The following TENM3 variants were observed in gnomAD, a reference collection of about 807,000 sequenced individuals.
TENM3 encodes teneurin transmembrane protein 3.
Under a neutral mutation model 255.1 loss-of-function variants are expected in TENM3, and 63 were observed. The ratio of observed to expected loss-of-function variants is 0.25; its 90% CI spans 0.20 to 0.30. TENM3 has a LOEUF of 0.30. Ranked by LOEUF, TENM3 falls within the 10% of genes least tolerant of loss-of-function variation. The probability of loss-of-function intolerance (pLI) is 1.00; values close to 1 mark genes in which losing one functional copy is unlikely to be tolerated. For synonymous variants in TENM3, 1,306 were observed against 1,322.3 expected, an observed-to-expected ratio of 0.99 and a Z score of 0.27; for missense variants, 2,929 against 3,461.1, an observed-to-expected ratio of 0.85 and a Z score of 3.86.
the TENM3 span, among the ~76,000 whole-genome samples, chr4:181,518,531 G>A: frequency 6.6e-5 from 10 of 152,162 alleles, no homozygotes; most frequent in East Asian, 1.5e-3. Flanking sequence ...GGGTTCAAGC[G>A]ATTCTCCTGC....
chr4:182,295,007 G>C (rs1298227754), intron 1 of TENM3, among the ~76,000 whole-genome samples: 3 of 151,834 alleles, frequency 2.0e-5, no homozygotes, highest in Admixed American at 6.6e-5. Flanking sequence ...GAGTGGGTGG[G>C]GGCAGGGGCT....
the TENM3 span, among the ~76,000 whole-genome samples, chr4:181,678,087 T>C: frequency 4.6e-5 from 7 of 152,162 alleles, no homozygotes; most frequent in African/African-American, 1.7e-4. Flanking sequence ...GAACACTTAC[T>C]GTGTGCGAGG....
chr4:181,661,399 T>C, the TENM3 span, among the ~76,000 whole-genome samples: 1 of 152,158 alleles, frequency 6.6e-6, no homozygotes, highest in Admixed American at 6.6e-5. Context: ...GTTGAGAAAT[T>C]ATTTGAGACA....
intron 2 of TENM3, among the ~76,000 whole-genome samples, chr4:182,328,193 G>A (rs1470130818): frequency 6.6e-6 from 1 of 152,084 alleles, no homozygotes; most frequent in Non-Finnish European, 1.5e-5. Context: ...GAGTGGCAAT[G>A]GAGAGGAAGG....
the TENM3 span, among the ~76,000 whole-genome samples, chr4:182,135,892 G>A: frequency 6.6e-6 from 1 of 152,200 alleles, no homozygotes; most frequent in Non-Finnish European, 1.5e-5. Flanking sequence ...ATCTGTTAAT[G>A]ATTTGGGATT....
the TENM3 span, among the ~76,000 whole-genome samples, chr4:181,699,352 G>A: frequency 7.2e-6 from 1 of 139,508 alleles, no homozygotes; most frequent in Non-Finnish European, 1.5e-5. Flanking sequence ...GATCCCAGAA[G>A]CTTGATCTTG....
the TENM3 span, among the ~76,000 whole-genome samples, chr4:181,773,974 T>A: frequency 1.3e-5 from 2 of 151,100 alleles, no homozygotes; most frequent in African/African-American, 4.9e-5. Context: ...ACTTGTTAAT[T>A]TGATTATCAG....
intron 16 of TENM3, among the ~76,000 whole-genome samples, chr4:182,731,572 A>G (rs1760710638): frequency 6.6e-6 from 1 of 151,960 alleles, no homozygotes; most frequent in Non-Finnish European, 1.5e-5. Context: ...GCTATCTTTA[A>G]ATAATTCTAT....
At chr4:181,785,815 TACAC>T in the TENM3 span, among the ~76,000 whole-genome samples, 25 of 149,132 alleles carry the variant, frequency 1.7e-4, no homozygotes, top group South Asian at 1.7e-3. Context: ...CACACACACA[TACAC>T]ACACACACAC....
the TENM3 span, among the ~76,000 whole-genome samples, chr4:181,479,324 C>T: frequency 6.6e-6 from 1 of 152,148 alleles, no homozygotes; most frequent in African/African-American, 2.4e-5. Context: ...TTGTAGAACC[C>T]GGATGCTTCA....
chr4:182,155,678 T>C (rs887307367), intron 1 of TENM3, among the ~76,000 whole-genome samples: 4 of 152,094 alleles, frequency 2.6e-5, no homozygotes, highest in Admixed American at 2.0e-4. Context: ...TTTTATGAGA[T>C]TTTTAGAAGA....
At chr4:182,314,079 G>A (rs761268303) in intron 1 of TENM3, among the ~76,000 whole-genome samples, 3 of 152,120 alleles carry the variant, frequency 2.0e-5, no homozygotes, top group South Asian at 2.1e-4. Flanking sequence ...TGGGGAGTCC[G>A]AGGCAGGCAG....
At chr4:182,642,981 C>G (rs577642003) in intron 5 of TENM3, among the ~76,000 whole-genome samples, 1 of 152,112 alleles carries the variant, frequency 6.6e-6, no homozygotes, top group Admixed American at 6.5e-5. Context: ...TCTGTCAACA[C>G]GTATATGAAC....
intron 16 of TENM3, 97 bp from the exon 17 acceptor site, chr4:182,736,711 C>T (rs1437910489): frequency 3.5e-6 from 4 of 1,143,910 alleles, no homozygotes; most frequent in Non-Finnish European, 4.8e-6. Context: ...CAGAGAGTCA[C>T]TATTCACAAA....
chr4:182,680,967 A>C (rs1756126155), intron 10 of TENM3, among the ~76,000 whole-genome samples: 1 of 152,038 alleles, frequency 6.6e-6, no homozygotes, highest in Non-Finnish European at 1.5e-5. Flanking sequence ...CCTTTTCTTC[A>C]CTCTGAGAAA....
the TENM3 span, among the ~76,000 whole-genome samples, chr4:181,495,505 A>G: frequency 2.4e-4 from 36 of 152,052 alleles, no homozygotes; most frequent in South Asian, 1.0e-3. Flanking sequence ...TTTCTTCCTC[A>G]CTAGACCTAA....
chr4:182,613,736 T>A (rs1749223683), intron 4 of TENM3, among the ~76,000 whole-genome samples: 1 of 152,244 alleles, frequency 6.6e-6, no homozygotes, highest in Non-Finnish European at 1.5e-5. Flanking sequence ...ATTGTAATTA[T>A]AAATGGATAC....
chr4:182,238,315 A>G (rs1757015604), intron 1 of TENM3, among the ~76,000 whole-genome samples: 1 of 152,212 alleles, frequency 6.6e-6, no homozygotes, highest in African/African-American at 2.4e-5. Flanking sequence ...AAGAACTAAA[A>G]CAAATAAAGC....
rs145908887 is a variant in TENM3, at chr4:182,146,164, T to C, written c.-76+1410T>C. Among the ~76,000 whole-genome samples, 551 of 152,332 alleles carry C rather than the reference T, an allele frequency of 3.6e-3. 2 individuals carry two copies. Among genetic ancestry groups the C allele is most frequent in the Admixed American group, 4.7e-3 (72 of 15,300 alleles). On this transcript the variant is annotated intron_variant, in intron 1 of 2. Coordinates refer to the TENM3 transcript ENST00000512480. ...AAGAGCAACTGTGTAATAATAATTA[T>C]CTATTTTAATATTTCAATTAAAACA...
Sources: gnomAD v4.1 joint callset for allele counts (sites outside exome capture counted in the v4.1 genomes callset) on GRCh38, gnomAD v4.1.1 for gene constraint, MANE v1.5 for transcripts, NCBI Gene and HGNC (gene_info 2026-07-23, HGNC 2026-07-21) for gene names.